CDKN2B-AS1: variants seen among roughly 807,000 people sequenced by gnomAD.
CDKN2B-AS1 encodes the protein CDKN2B antisense RNA 1 (non-protein coding).
At chr9:22,109,322 AG>A (rs1443432223) in intron 4 of CDKN2B-AS1, among the ~76,000 whole-genome samples, 1 of 152,160 alleles carries the variant, frequency 6.6e-6, no homozygotes, top group Non-Finnish European at 1.5e-5. Context: ...TTGCCACATA[AG>A]GGTTGAGGGG....
intron 4 of CDKN2B-AS1, among the ~76,000 whole-genome samples, chr9:22,106,604 A>G (rs774636086): frequency 6.6e-6 from 1 of 152,220 alleles, no homozygotes; most frequent in Non-Finnish European, 1.5e-5. Context: ...AGATTAAATA[A>G]TATATGTAAA....
chr9:22,075,419 G>A (rs943664076), intron 4 of CDKN2B-AS1, among the ~76,000 whole-genome samples: 2 of 152,192 alleles, frequency 1.3e-5, no homozygotes, highest in Non-Finnish European at 2.9e-5. Context: ...AGAGGACTTT[G>A]AGACTCAGCG....
intron 4 of CDKN2B-AS1, among the ~76,000 whole-genome samples, chr9:22,079,046 C>T (rs1000293439): frequency 6.6e-6 from 1 of 152,172 alleles, no homozygotes; most frequent in African/African-American, 2.4e-5. Flanking sequence ...TTGTCAATAT[C>T]TGGAAGATAT....
chr9:22,080,921 T>G (rs1246785752), intron 4 of CDKN2B-AS1, among the ~76,000 whole-genome samples: 1 of 152,116 alleles, frequency 6.6e-6, no homozygotes, highest in Non-Finnish European at 1.5e-5. Context: ...ATATTTTGTG[T>G]TTTTTTGCAT....
chr9:22,103,631 A>C (rs1720275385), intron 4 of CDKN2B-AS1, among the ~76,000 whole-genome samples: 1 of 152,344 alleles, frequency 6.6e-6, no homozygotes, highest in South Asian at 2.1e-4. Context: ...GAAATAATTA[A>C]ATTTATAAGA....
At chr9:22,019,777 TG>T (rs1267858298) in intron 1 of CDKN2B-AS1, among the ~76,000 whole-genome samples, 1 of 152,196 alleles carries the variant, frequency 6.6e-6, no homozygotes, top group African/African-American at 2.4e-5. Flanking sequence ...AGCAGACATT[TG>T]AATATAGAAG....
At chr9:22,002,022 T>A (rs1362072870) in intron 1 of CDKN2B-AS1, among the ~76,000 whole-genome samples, 2 of 152,108 alleles carry the variant, frequency 1.3e-5, no homozygotes, top group Non-Finnish European at 2.9e-5. Context: ...ATTAAAATTG[T>A]CTTATTTTCA....
In CDKN2B-AS1 at chr9:22,073,102, T is replaced by C. The variant is rs533330141; in HGVS notation, n.438+16715T>C. Among the ~76,000 whole-genome samples the C allele has an allele frequency of 2.6e-5, 4 of 152,296 alleles. No individual in the cohort carries two copies. In the South Asian group the frequency reaches 6.2e-4, roughly 24 times the overall value. On this transcript the variant is annotated intron_variant and non_coding_transcript_variant, in intron 4 of 4. Transcript: ENST00000650946. ...TGTCACATATTAAAATATTATTTTC[T>C]CTTATTAATTTCTATGAGAATAATA...
intron 4 of CDKN2B-AS1, among the ~76,000 whole-genome samples, chr9:22,063,600 T>C (rs1373197723): frequency 1.3e-5 from 2 of 152,252 alleles, no homozygotes; most frequent in African/African-American, 4.8e-5. Context: ...GCATTGATCC[T>C]GTGTTAGGAG....
At chr9:22,034,139 A>G (rs1822589540) in intron 1 of CDKN2B-AS1, among the ~76,000 whole-genome samples, 1 of 152,204 alleles carries the variant, frequency 6.6e-6, no homozygotes, top group South Asian at 2.1e-4. Context: ...GGTGGGATAG[A>G]TAAGAGAAGG....
chr9:22,051,839 G>A lies in CDKN2B-AS1; in HGVS notation n.302+2611G>A, dbSNP rs151135538. On this transcript the variant is annotated intron_variant and non_coding_transcript_variant, in intron 3 of 4. Coordinates refer to ENST00000650946, the Ensembl canonical transcript of CDKN2B-AS1. Reference sequence around the variant, plus strand: ...TTTGTTTTCAGCCTGCATATACCACGTATATTTATTATCTGGATAGATAAA... The same window carrying A: ...TTTGTTTTCAGCCTGCATATACCACATATATTTATTATCTGGATAGATAAA... Among the ~76,000 whole-genome samples the A allele has an allele frequency of 2.7e-4, 41 of 152,210 alleles. 1 individual carries two copies. In the East Asian group the frequency reaches 6.4e-3, roughly 24 times the overall value.
intron 1 of CDKN2B-AS1, among the ~76,000 whole-genome samples, chr9:22,025,704 G>C (rs899784772): frequency 6.6e-6 from 1 of 152,180 alleles, no homozygotes. Context: ...CTCTCTGGGA[G>C]CTCCATCCCT....
intron 4 of CDKN2B-AS1, among the ~76,000 whole-genome samples, chr9:22,065,239 T>C (rs1018804347): frequency 9.9e-5 from 15 of 152,174 alleles, no homozygotes; most frequent in Admixed American, 9.8e-4. Flanking sequence ...CAGACACCCA[T>C]CTAGGCCACC....
chr9:22,008,213 A>G (rs1055749651), intron 1 of CDKN2B-AS1, among the ~76,000 whole-genome samples: 3 of 152,226 alleles, frequency 2.0e-5, no homozygotes, highest in Non-Finnish European at 4.4e-5. Context: ...TATGATAATT[A>G]AAGAATGAGA....
chr9:22,116,454 C>A (rs1825951615), intron 4 of CDKN2B-AS1, among the ~76,000 whole-genome samples: 1 of 152,142 alleles, frequency 6.6e-6, no homozygotes, highest in African/African-American at 2.4e-5. Context: ...AATAAGAAAA[C>A]AAATAAAAGT....
At chr9:22,031,054 G>A (rs1280324175) in intron 1 of CDKN2B-AS1, 1 of 152,056 alleles carries the variant, frequency 6.6e-6, no homozygotes, top group Admixed American at 6.6e-5. Context: ...TATTTGTGGG[G>A]CATTTTATTT....
At chr9:22,058,502 T>C (rs904829285) in intron 4 of CDKN2B-AS1, 1 of 152,266 alleles carries the variant, frequency 6.6e-6, no homozygotes, top group Admixed American at 6.5e-5. Flanking sequence ...AATCTTTGCT[T>C]CTTTCTAGGT....
intron 4 of CDKN2B-AS1, among the ~76,000 whole-genome samples, chr9:22,108,852 G>C (rs1246621089): frequency 6.6e-6 from 1 of 151,950 alleles, no homozygotes. Flanking sequence ...GGTTAAGCAA[G>C]GGTTTAGTTT....
intron 1 of CDKN2B-AS1, among the ~76,000 whole-genome samples, chr9:22,026,540 G>A (rs1822246275): frequency 6.6e-6 from 1 of 152,216 alleles, no homozygotes; most frequent in South Asian, 2.1e-4. Context: ...GAGGCACAAT[G>A]TTGCTACTGG....
Sources: gnomAD v4.1 joint callset for allele counts (sites outside exome capture counted in the v4.1 genomes callset) on GRCh38, gnomAD v4.1.1 for gene constraint, MANE v1.5 for transcripts, NCBI Gene and HGNC (gene_info 2026-07-23, HGNC 2026-07-21) for gene names.